The following GPHN variants were observed in gnomAD, a reference collection of about 807,000 sequenced individuals.
GPHN encodes gephyrin.
In GPHN, 17 loss-of-function variants were observed where a neutral mutation model predicts 95.5. The observed-to-expected ratio is 0.18, with a 90% CI of 0.12 to 0.27. The LOEUF (loss-of-function observed/expected upper bound fraction) is 0.27, where lower values mean the gene tolerates loss of function less well. Among genes scored for constraint, GPHN ranks in the 10% least tolerant of loss-of-function variants. The pLI, the probability that GPHN is intolerant of heterozygous loss-of-function variation, is 1.00. For synonymous variants in GPHN, 320 were observed against 322.5 expected (o/e 0.99, Z 0.08); for missense variants, 660 against 978.1 (o/e 0.67, Z 4.34).
At chr14:66,905,340 T>G (rs2153551281) in intron 5 of GPHN, among the ~76,000 whole-genome samples, 1 of 152,282 alleles carries the variant, frequency 6.6e-6, no homozygotes. Context: ...CTGTGTTACC[T>G]TGGAGATCAC....
chr14:66,615,906 A>G (rs2153302062), intron 1 of GPHN, among the ~76,000 whole-genome samples: 1 of 152,032 alleles, frequency 6.6e-6, no homozygotes, highest in African/African-American at 2.4e-5. Flanking sequence ...TGTAAGGTGT[A>G]AGGAAGGGTC....
chr14:67,431,047 C>T, the GPHN span, among the ~76,000 whole-genome samples: 1 of 152,138 alleles, frequency 6.6e-6, no homozygotes, highest in African/African-American at 2.4e-5. Flanking sequence ...CCATGGCAGG[C>T]ATGAACAGCT....
At chr14:66,525,511 T>C (rs1487478888) in intron 1 of GPHN, among the ~76,000 whole-genome samples, 4 of 152,244 alleles carry the variant, frequency 2.6e-5, no homozygotes, top group Non-Finnish European at 2.9e-5. Context: ...ATCCCATTTG[T>C]CAATTTTGGC....
At chr14:67,231,192 T>A in the GPHN span, among the ~76,000 whole-genome samples, 1 of 152,180 alleles carries the variant, frequency 6.6e-6, no homozygotes, top group Non-Finnish European at 1.5e-5. Flanking sequence ...TATAATTCCT[T>A]TTATATGAAG....
chr14:67,730,611 AT>A, the GPHN span, among the ~76,000 whole-genome samples: 5 of 151,230 alleles, frequency 3.3e-5, no homozygotes, highest in African/African-American at 7.3e-5. Context: ...GATCCCAAGC[AT>A]TTTTTTTTGA....
intron 4 of GPHN, among the ~76,000 whole-genome samples, chr14:66,826,843 G>C (rs2061404128): frequency 6.6e-6 from 1 of 152,120 alleles, no homozygotes; most frequent in African/African-American, 2.4e-5. Context: ...ATGGAGCTCA[G>C]TCTCCAACCT....
chr14:67,364,371 C>T, the GPHN span: 3 of 160,568 alleles, frequency 1.9e-5, no homozygotes, highest in African/African-American at 7.2e-5. Flanking sequence ...CTCACTTCGG[C>T]AAAGAGTAGC....
intron 5 of GPHN, among the ~76,000 whole-genome samples, chr14:66,897,806 T>C (rs558985009): frequency 9.2e-5 from 14 of 152,208 alleles, no homozygotes; most frequent in African/African-American, 3.1e-4. Flanking sequence ...GGTATCTAGG[T>C]TCCATGGCAG....
At chr14:67,634,866 G>A in the GPHN span, among the ~76,000 whole-genome samples, 7 of 152,172 alleles carry the variant, frequency 4.6e-5, no homozygotes, top group Non-Finnish European at 7.3e-5. Flanking sequence ...ACCAAACCTT[G>A]GAGGAAGGAG....
intron 19 of GPHN, among the ~76,000 whole-genome samples, chr14:67,164,107 A>G (rs1376999584): frequency 1.3e-5 from 2 of 151,654 alleles, no homozygotes; most frequent in African/African-American, 2.4e-5. Flanking sequence ...TGTCTCCACT[A>G]AAAAAACAAA....
chr14:67,089,746 C>G (rs1038427269), intron 12 of GPHN, among the ~76,000 whole-genome samples: 3 of 152,176 alleles, frequency 2.0e-5, no homozygotes, highest in Non-Finnish European at 2.9e-5. Flanking sequence ...ACCTCTAATT[C>G]TCTAGAAGAC....
chr14:67,545,343 T>C, the GPHN span, among the ~76,000 whole-genome samples: 1 of 152,176 alleles, frequency 6.6e-6, no homozygotes, highest in South Asian at 2.1e-4. Context: ...TGCGCTCAGC[T>C]AAAAGTTGGG....
intron 4 of GPHN, among the ~76,000 whole-genome samples, chr14:66,877,345 C>G (rs925852532): frequency 1.3e-5 from 2 of 152,206 alleles, no homozygotes; most frequent in Non-Finnish European, 2.9e-5. Flanking sequence ...GATGCCCTCT[C>G]TCACCATTCC....
At chr14:67,363,631 T>G in the GPHN span, among the ~76,000 whole-genome samples, 1 of 152,302 alleles carries the variant, frequency 6.6e-6, no homozygotes, top group Non-Finnish European at 1.5e-5. Flanking sequence ...CTTCAGTTTT[T>G]TAATCTATAA....
At chr14:67,307,130 A>T in the GPHN span, among the ~76,000 whole-genome samples, 1 of 152,194 alleles carries the variant, frequency 6.6e-6, no homozygotes, top group African/African-American at 2.4e-5. Context: ...CTGCTCTTTC[A>T]GTAGCAGAGG....
intron 1 of GPHN, among the ~76,000 whole-genome samples, chr14:66,646,632 A>G (rs1231930776): frequency 1.3e-5 from 2 of 152,172 alleles, no homozygotes; most frequent in African/African-American, 2.4e-5. Flanking sequence ...CAGCAAGAAG[A>G]AGACAAATAT....
chr14:67,625,928 T>C, the GPHN span, among the ~76,000 whole-genome samples: 1 of 152,056 alleles, frequency 6.6e-6, no homozygotes, highest in African/African-American at 2.4e-5. Context: ...AAATGGGCAG[T>C]AAACACATTA....
At chr14:66,772,634 T>C (rs960670447) in intron 2 of GPHN, among the ~76,000 whole-genome samples, 1 of 152,210 alleles carries the variant, frequency 6.6e-6, no homozygotes, top group Non-Finnish European at 1.5e-5. Flanking sequence ...GGTACACGTT[T>C]AGCACTATTT....
intron 18 of GPHN, among the ~76,000 whole-genome samples, chr14:67,159,042 A>G (rs1004313865): frequency 6.6e-6 from 1 of 152,222 alleles, no homozygotes; most frequent in Admixed American, 6.5e-5. Flanking sequence ...ATAAAATTCT[A>G]TCTTAGAAGA....
Sources: gnomAD v4.1 joint callset for allele counts (sites outside exome capture counted in the v4.1 genomes callset) on GRCh38, gnomAD v4.1.1 for gene constraint, MANE v1.5 for transcripts, NCBI Gene and HGNC (gene_info 2026-07-23, HGNC 2026-07-21) for gene names.